Variants in PITPNM3 observed in about 807,000 individuals in gnomAD.
PITPNM3 encodes the protein membrane-associated phosphatidylinositol transfer protein 3.
PITPNM3 carries 26 observed loss-of-function variants against 102.0 expected under a neutral mutation model. That is an observed-to-expected ratio of 0.25 (90% CI 0.19 to 0.35). The LOEUF (loss-of-function observed/expected upper bound fraction) is 0.35. Ranked by LOEUF, PITPNM3 falls within the 10% of genes least tolerant of loss-of-function variation. The pLI, the probability that PITPNM3 is intolerant of heterozygous loss-of-function variation, is 1.00. For missense variants in PITPNM3, 1,083 were observed against 1,346.1 expected, an observed-to-expected ratio of 0.80 and a Z score of 3.06; for synonymous variants, 578 against 558.6, an observed-to-expected ratio of 1.03 and a Z score of -0.49.
chr17:6,493,013 C>T (rs1480160462), intron 4 of PITPNM3, among the ~76,000 whole-genome samples: 10 of 152,038 alleles, frequency 6.6e-5, no homozygotes. Context: ...CAATCAGACA[C>T]AGCATCTGCC....
intron 6 of PITPNM3, chr17:6,481,596 C>A (rs1905674128): frequency 6.6e-6 from 1 of 152,142 alleles, no homozygotes. Context: ...AGAGCCCACA[C>A]ACTTAGCCGT....
In PITPNM3 at chr17:6,478,018, C is replaced by A; in HGVS notation, c.857G>T (p.Ser286Ile). 6.2e-7 allele frequency: 1 copy of A among 1,613,560 alleles called. No homozygotes were observed. The highest frequency in any genetic ancestry group is 2.2e-5 in the East Asian group (1 of 44,892). Residue 286 changes from serine (S) to isoleucine (I), a missense_variant, in exon 8 of 20, where the codon AGC becomes ATC. Ser to Ile is a moderately radical substitution (Grantham distance 142). Coordinates refer to ENST00000262483, the MANE Select transcript of PITPNM3 (RefSeq NM_031220.4). This position sits in a 1 kb window ranked among gnomAD's most constrained non-coding sequence, Gnocchi z 4.4. ...ICYSAGPSGD[S>I]PASSSRKGSI... is the part of the protein sequence containing the mutation. ...CCCCTTCCGGCTGCTGCTGGCAGGG[C>A]TGTCCCCTGAGGGCCCCGCACTGTA...
chr17:6,535,122 C>G (rs1732721475), intron 2 of PITPNM3, among the ~76,000 whole-genome samples: 1 of 152,086 alleles, frequency 6.6e-6, no homozygotes, highest in Non-Finnish European at 1.5e-5. Flanking sequence ...GTTGGCCCCA[C>G]CACAACTAGA....
intron 1 of PITPNM3, among the ~76,000 whole-genome samples, chr17:6,541,173 A>T (rs928011731): frequency 1.3e-5 from 2 of 152,170 alleles, no homozygotes; most frequent in African/African-American, 4.8e-5. Flanking sequence ...CGTATTTCCA[A>T]CAAGGAGAAA....
chr17:6,526,948 T>C (rs575053897), intron 2 of PITPNM3, among the ~76,000 whole-genome samples: 28 of 152,164 alleles, frequency 1.8e-4, no homozygotes, highest in Non-Finnish European at 3.8e-4. Context: ...ACCACACACA[T>C]TCGGACAATT....
chr17:6,498,881 C>T (rs1906999369), intron 4 of PITPNM3, among the ~76,000 whole-genome samples: 3 of 152,052 alleles, frequency 2.0e-5, no homozygotes, highest in Admixed American at 6.5e-5. Context: ...GGGAGCACTC[C>T]GGAAATGGTC....
rs1241778920 is a variant in PITPNM3, at chr17:6,472,758, C to T, written c.1328G>A (p.Arg443Gln). ...CTTGGGCTCCAGCAGTGGCTCGAGC[C>T]GTGAGGCAGAGGGGTCTGCGCAATG... ...FFHCADPSAS[R>Q]LEPLLEPKFH... Residue 443 changes from arginine (R) to glutamine (Q), a missense_variant, in exon 11 of 20, where the codon CGG (arginine) becomes CAG (glutamine). Physicochemically the swap from Arg to Gln is conservative, Grantham distance 43. Coordinates refer to ENST00000262483, the MANE Select transcript of PITPNM3 (RefSeq NM_031220.4). This position sits in a 1 kb window ranked among gnomAD's most constrained non-coding sequence, Gnocchi z 4.1. The T allele has an allele frequency of 6.2e-7, 1 of 1,614,050 alleles. No individual in the cohort carries two copies. The highest frequency in any genetic ancestry group is 1.1e-5 in the South Asian group (1 of 91,086).
chr17:6,484,239 T>C lies in PITPNM3; in HGVS notation c.328A>G (p.Ile110Val), dbSNP rs924096159. Reference protein sequence around the residue: ...RRQRFPAQGSIEIHEDSEEGC... With the variant: ...RRQRFPAQGSVEIHEDSEEGC... The stretch of plus-strand genomic sequence containing the variant: ...ACCTCGCTGTCTTCGTGGATCTCGA[T>C]GCTTCCCTGGGCTGGGAACCTCTGT... The change falls in exon 5 of 20, where the codon ATC becomes GTC. Residue 110 changes from isoleucine to valine, a missense_variant. Coordinates refer to ENST00000262483, the MANE Select transcript of PITPNM3 (RefSeq NM_031220.4). 7.4e-6 allele frequency: 12 copies of C among 1,612,290 alleles called. No individual in the cohort carries two copies. Among genetic ancestry groups the C allele is most frequent in the Middle Eastern group, 1.7e-4 (1 of 6,060 alleles).
chr17:6,537,838 G>T lies in PITPNM3; in HGVS notation c.118+149C>A. On this transcript the variant is annotated intron_variant, in intron 2 of 19. Coordinates refer to ENST00000262483, the MANE Select transcript of PITPNM3 (RefSeq NM_031220.4). This position sits in a 1 kb window ranked among gnomAD's most constrained non-coding sequence, Gnocchi z 4.4. ...AGACGAAGGCTGAGCCCCTGCTCTT[G>T]GCACATCCACAGGATGGGTAAGTAT... The T allele has an allele frequency of 4.0e-6, 3 of 752,882 alleles. No homozygotes were observed. Among genetic ancestry groups the T allele is most frequent in the Non-Finnish European group, 7.1e-6 (3 of 422,148 alleles). 46.6% of individuals were successfully genotyped at this position (752,882 alleles called of 1,614,324 possible). A position where few individuals can be genotyped will look rare whatever the true frequency, so the allele number is the denominator to read the frequency against.
At chr17:6,520,655 T>C (rs911888816) in intron 3 of PITPNM3, among the ~76,000 whole-genome samples, 1 of 152,246 alleles carries the variant, frequency 6.6e-6, no homozygotes, top group Admixed American at 6.5e-5. Context: ...CCAATGAGAA[T>C]ACATTTAAGA....
chr17:6,461,312 C>A lies in PITPNM3; in HGVS notation c.2490+61G>T, dbSNP rs558367943. 7.4e-4 allele frequency: 1,151 copies of A among 1,553,286 alleles called. 1 individual carries two copies. The highest frequency in any genetic ancestry group is 9.8e-4 in the Non-Finnish European group (1,106 of 1,128,556). ...CACCCGGGAGGAGGGAGATGGGGAG[C>A]GGTGGAGAGGAGGGCTGCGCTCTCA... On this transcript the variant is annotated intron_variant, in intron 18 of 19. Coordinates refer to ENST00000262483, the MANE Select transcript of PITPNM3 (RefSeq NM_031220.4).
At chr17:6,547,505 G>T (rs1189353361) in intron 1 of PITPNM3, among the ~76,000 whole-genome samples, 1 of 152,048 alleles carries the variant, frequency 6.6e-6, no homozygotes, top group Non-Finnish European at 1.5e-5. Flanking sequence ...CCTCTAAAAC[G>T]AGTTCCCCGT....
chr17:6,483,144 C>T (rs1208070046), intron 6 of PITPNM3, among the ~76,000 whole-genome samples: 5 of 152,094 alleles, frequency 3.3e-5, no homozygotes, highest in Non-Finnish European at 7.3e-5. Context: ...CAGGGTTTCA[C>T]CATATTAGCC....
chr17:6,491,957 C>T (rs917964214), intron 4 of PITPNM3, among the ~76,000 whole-genome samples: 4 of 150,508 alleles, frequency 2.7e-5, no homozygotes, highest in African/African-American at 9.8e-5. Context: ...CTACTTTCAT[C>T]TATTTTCCAA....
chr17:6,489,916 AT>A (rs1242953179), intron 4 of PITPNM3, among the ~76,000 whole-genome samples: 6 of 152,074 alleles, frequency 3.9e-5, no homozygotes, highest in African/African-American at 1.4e-4. Flanking sequence ...AGGCAGAAGA[AT>A]CGCTTGAACC....
At chr17:6,502,250 G>T (rs545857381) in intron 4 of PITPNM3, among the ~76,000 whole-genome samples, 1 of 152,220 alleles carries the variant, frequency 6.6e-6, no homozygotes, top group Non-Finnish European at 1.5e-5. Flanking sequence ...AGGAGTTCAA[G>T]AGTAGTAGCC....
chr17:6,467,331 C>T (rs1489160460), intron 14 of PITPNM3, among the ~76,000 whole-genome samples: 1 of 152,074 alleles, frequency 6.6e-6, no homozygotes, highest in African/African-American at 2.4e-5. Context: ...CACAGAAAGT[C>T]GATTACTGAT....
Position 6,470,308 on chromosome 17 carries a change from G to A in PITPNM3, c.1725C>T (p.His575=), listed in dbSNP as rs932693047. Residue 575 remains histidine (H), a synonymous_variant, in exon 13 of 20, where the codon CAC becomes CAT. Transcript: ENST00000262483. This position sits in a 1 kb window ranked among gnomAD's most constrained non-coding sequence, Gnocchi z 4.8. ...CGTCTGTGGACTCCCAGTAACTGGCGTGGAAGAGGTGGGGCAGGGCCACGG... is the reference window on the plus strand; with the variant it reads ...CGTCTGTGGACTCCCAGTAACTGGCATGGAAGAGGTGGGGCAGGGCCACGG... ...FPTVALPHLF[H]ASYWESTDVV... is the part of the protein sequence containing the mutation. 9.3e-6 allele frequency: 15 copies of A among 1,613,806 alleles called. No individual in the cohort carries two copies. Among genetic ancestry groups the A allele is most frequent in the African/African-American group, 2.7e-5 (2 of 74,956 alleles).
chr17:6,488,036 T>C (rs1906203684), intron 4 of PITPNM3, among the ~76,000 whole-genome samples: 1 of 152,196 alleles, frequency 6.6e-6, no homozygotes, highest in African/African-American at 2.4e-5. Context: ...CAGATTCAGA[T>C]TCTGGCCCCT....
Sources: gnomAD v4.1 joint callset for allele counts (sites outside exome capture counted in the v4.1 genomes callset) on GRCh38, gnomAD v4.1.1 for gene constraint, Gnocchi (gnomAD v3.1) non-coding constraint, MANE v1.5 for transcripts, NCBI Gene and HGNC (gene_info 2026-07-23, HGNC 2026-07-21) for gene names.